MPZL3: variants seen among roughly 807,000 people sequenced by gnomAD.
MPZL3 encodes the protein myelin protein zero like 3.
Under a neutral mutation model 24.8 loss-of-function variants are expected in MPZL3, and 23 were observed. That is an observed-to-expected ratio of 0.93 (90% CI 0.67 to 1.31). The LOEUF (loss-of-function observed/expected upper bound fraction) is 1.31. Ranked by LOEUF, MPZL3 falls within the 40% of genes most tolerant of loss-of-function variation. The probability of loss-of-function intolerance (pLI) is 0.00; values close to 1 mark genes in which losing one functional copy is unlikely to be tolerated. For synonymous variants in MPZL3, 99 were observed against 106.5 expected (o/e 0.93, Z 0.44); for missense variants, 277 against 294.9 (o/e 0.94, Z 0.44).
At chr11:118,232,222 T>C (rs1477313582) in intron 5 of MPZL3, among the ~76,000 whole-genome samples, 1 of 152,138 alleles carries the variant, frequency 6.6e-6, no homozygotes, top group Non-Finnish European at 1.5e-5. Flanking sequence ...GAAACGCTCC[T>C]CCACAATAGC....
At chr11:118,247,366 T>G (rs1949568150) in intron 1 of MPZL3, among the ~76,000 whole-genome samples, 1 of 152,088 alleles carries the variant, frequency 6.6e-6, no homozygotes, top group Non-Finnish European at 1.5e-5. Context: ...GCAGAACATT[T>G]TTACAAAAAA....
intron 4 of MPZL3, 56 bp downstream of exon 4, chr11:118,235,368 G>A: frequency 6.3e-7 from 1 of 1,588,618 alleles, no homozygotes; most frequent in East Asian, 2.2e-5. Flanking sequence ...GTGGGGGTCT[G>A]GGTAGAGCGC....
At chr11:118,247,426 C>T (rs940115602) in intron 1 of MPZL3, among the ~76,000 whole-genome samples, 2 of 152,106 alleles carry the variant, frequency 1.3e-5, no homozygotes. Flanking sequence ...TGCAAATACT[C>T]CTACCATGGT....
intron 1 of MPZL3, among the ~76,000 whole-genome samples, chr11:118,243,370 C>T (rs1949521256): frequency 6.6e-6 from 1 of 152,194 alleles, no homozygotes; most frequent in African/African-American, 2.4e-5. Context: ...GCATCTGCTC[C>T]CATCCTTACT....
chr11:118,252,081 C>T, intron 1 of MPZL3, 141 bp downstream of exon 1: 2 of 787,076 alleles, frequency 2.5e-6, no homozygotes, highest in Non-Finnish European at 4.3e-6. Flanking sequence ...ATGACATCGT[C>T]CCAACGTCCC....
intron 3 of MPZL3, among the ~76,000 whole-genome samples, chr11:118,236,398 G>A (rs1002519529): frequency 1.3e-5 from 2 of 152,014 alleles, no homozygotes; most frequent in Non-Finnish European, 2.9e-5. Context: ...AGAGAAGGAG[G>A]AAAAGAGCAA....
intron 2 of MPZL3, among the ~76,000 whole-genome samples, chr11:118,238,797 A>G (rs1949456921): frequency 1.3e-5 from 2 of 152,212 alleles, no homozygotes; most frequent in Non-Finnish European, 2.9e-5. Flanking sequence ...TTTTAGTGAT[A>G]AAGACAGATA....
At chr11:118,251,427 C>T (rs1343465820) in intron 1 of MPZL3, among the ~76,000 whole-genome samples, 1 of 151,850 alleles carries the variant, frequency 6.6e-6, no homozygotes, top group Non-Finnish European at 1.5e-5. Context: ...CACTCTAATA[C>T]TAGATATACT....
intron 1 of MPZL3, among the ~76,000 whole-genome samples, chr11:118,240,783 A>ACACACACACACACACACT (rs1418485892): frequency 4.1e-4 from 57 of 140,540 alleles, no homozygotes; most frequent in Non-Finnish European, 6.5e-4. Flanking sequence ...ACACACACAC[A>ACACACACACACACACACT]CTCTGGGAAT....
At chr11:118,240,111 C>A (rs1949473632) in intron 2 of MPZL3, 100 bp downstream of exon 2, 3 of 1,195,688 alleles carry the variant, frequency 2.5e-6, no homozygotes, top group Non-Finnish European at 3.4e-6. Context: ...AGCCCATCTT[C>A]TACTCTAAGA....
chr11:118,249,409 T>C (rs1949594495), intron 1 of MPZL3, among the ~76,000 whole-genome samples: 1 of 151,964 alleles, frequency 6.6e-6, no homozygotes, highest in Admixed American at 6.6e-5. Flanking sequence ...CTTCCACTCA[T>C]AAAAAAAATA....
At position 118,233,501 on chromosome 11, in the gene MPZL3, C is replaced by T. The variant is rs1591490504; in HGVS notation, c.640G>A (p.Ala214Thr). Residue 214 changes from alanine (A) to threonine (T), a missense_variant, in exon 5 of 6, where the codon GCG (alanine) becomes ACG (threonine). Coordinates refer to ENST00000278949, the MANE Select transcript of MPZL3 (RefSeq NM_198275.3). ...SDDTDQEEEEACMARLCVRCA... is the reference protein window; with the variant it reads ...SDDTDQEEEETCMARLCVRCA... ...CGGACACAAAGCCTCGCCATACACG[C>T]CTCTTCCTCCTCCTGATCAGTGCTG... 5 of 1,613,868 alleles carry T rather than the reference C, an allele frequency of 3.1e-6. No individual in the cohort carries two copies. Among genetic ancestry groups the T allele is most frequent in the Non-Finnish European group, 4.2e-6 (5 of 1,179,876 alleles).
In MPZL3 at chr11:118,227,372, C is replaced by G. The variant is rs1392518392; in HGVS notation, c.*2522G>C. On this transcript the variant is annotated 3_prime_UTR_variant, in exon 6 of 6. Transcript: ENST00000278949. Reference sequence around the variant, plus strand: ...AATAGCACCTTAGAAGTTACTCAAACAAGAGGTGAAACAAATAAGTAAACA... The same window carrying G: ...AATAGCACCTTAGAAGTTACTCAAAGAAGAGGTGAAACAAATAAGTAAACA... 2 of 152,126 alleles carry G rather than the reference C, an allele frequency of 1.3e-5. No homozygotes were observed. The highest frequency in any genetic ancestry group is 4.8e-5 in the African/African-American group (2 of 41,416). The allele number at this position is 152,126 out of a possible 1,614,324, so 9.4% of individuals were successfully genotyped here.
At chr11:118,247,600 G>A (rs926899488) in intron 1 of MPZL3, among the ~76,000 whole-genome samples, 5 of 152,066 alleles carry the variant, frequency 3.3e-5, no homozygotes, top group African/African-American at 4.8e-5. Flanking sequence ...AACCTGCTTG[G>A]AAAGTTATTT....
rs542121451 is a variant in MPZL3 at position 118,237,053 on chromosome 11, T to C, written c.448A>G (p.Arg150Gly). The C allele has an allele frequency of 1.2e-6, 2 of 1,613,830 alleles. No individual in the cohort carries two copies. Among genetic ancestry groups the C allele is most frequent in the East Asian group, 4.5e-5 (2 of 44,878 alleles). Residue 150 changes from arginine to glycine, a missense_variant, in exon 3 of 6, where the codon AGG becomes GGG. Physicochemically the swap from Arg to Gly is moderately radical, Grantham distance 125. Transcript: ENST00000278949. ...AGGTTGGTGGCAATGAGCTTACCCC[T>C]TTCTGTGACTGTTAGCTCTGTCATG... is the stretch of plus-strand genomic sequence containing the variant. ...IPMTELTVTERGFGTMLSSVA... is the reference protein window; with the variant it reads ...IPMTELTVTEGGFGTMLSSVA...
chr11:118,229,941 G>A (rs1949328949), intron 5 of MPZL3, 21 bp from the exon 6 acceptor site: 2 of 1,610,182 alleles, frequency 1.2e-6, no homozygotes, highest in African/African-American at 1.3e-5. Context: ...CAAAACAGCA[G>A]GTGTGAAACA....
chr11:118,249,034 G>A (rs1417718113), intron 1 of MPZL3, among the ~76,000 whole-genome samples: 2 of 83,676 alleles, frequency 2.4e-5, no homozygotes, highest in African/African-American at 6.4e-5. Context: ...TAATATTTTC[G>A]GTTTGTTTTT....
chr11:118,240,206 C>G lies in MPZL3; in HGVS notation c.240+5G>C. On this transcript the variant is annotated splice_donor_5th_base_variant and intron_variant, in intron 2 of 5. Transcript: ENST00000278949. ...AAGGAACATTCCGAAAAAGTACACACTTACTGATACTGTGTGGCTGCTGCT... is the reference window on the plus strand; with the variant it reads ...AAGGAACATTCCGAAAAAGTACACAGTTACTGATACTGTGTGGCTGCTGCT... 1 of 1,542,358 alleles carries G rather than the reference C, an allele frequency of 6.5e-7. No individual in the cohort carries two copies. Among genetic ancestry groups the G allele is most frequent in the Non-Finnish European group, 8.7e-7 (1 of 1,153,124 alleles).
chr11:118,246,262 C>A (rs1459441585), intron 1 of MPZL3, among the ~76,000 whole-genome samples: 1 of 152,194 alleles, frequency 6.6e-6, no homozygotes, highest in African/African-American at 2.4e-5. Context: ...CAACCACTAA[C>A]AGGATAATGA....
Sources: gnomAD v4.1 joint callset for allele counts (sites outside exome capture counted in the v4.1 genomes callset) on GRCh38, gnomAD v4.1.1 for gene constraint, MANE v1.5 for transcripts, NCBI Gene and HGNC (gene_info 2026-07-23, HGNC 2026-07-21) for gene names.